PRKG1: variants seen among roughly 807,000 people sequenced by gnomAD.
PRKG1 encodes cGMP-dependent protein kinase 1.
Under a neutral mutation model 88.1 loss-of-function variants are expected in PRKG1, and 35 were observed. That is an observed-to-expected ratio of 0.40 (90% CI 0.30 to 0.53). PRKG1 has a LOEUF of 0.53. Among genes scored for constraint, PRKG1 ranks in the 20% least tolerant of loss-of-function variants. The probability of loss-of-function intolerance (pLI) is 0.59; values close to 1 mark genes in which losing one functional copy is unlikely to be tolerated. For missense variants in PRKG1, 540 were observed against 839.8 expected (o/e 0.64, Z 4.41); for synonymous variants, 303 against 292.5 (o/e 1.04, Z -0.37).
chr10:51,038,610 A>G (rs1007888407), intron 1 of PRKG1, among the ~76,000 whole-genome samples: 2 of 152,092 alleles, frequency 1.3e-5, no homozygotes, highest in African/African-American at 4.8e-5. Context: ...GGTATATTTC[A>G]CTTGACATAA....
At chr10:51,602,772 GTGTGTGTGTA>G (rs111324821) in intron 3 of PRKG1, among the ~76,000 whole-genome samples, 940 of 85,380 alleles carry the variant, frequency 0.011, 18 homozygotes, top group African/African-American at 0.03. Flanking sequence ...GTGTGTGTGT[GTGTGTGTGTA>G]TATATTCATA....
chr10:51,219,476 G>T (rs1422512732), intron 2 of PRKG1, among the ~76,000 whole-genome samples: 1 of 152,026 alleles, frequency 6.6e-6, no homozygotes, highest in Non-Finnish European at 1.5e-5. Context: ...TCGGGAGGCT[G>T]TGGCGGGTGG....
At chr10:51,800,677 T>G (rs1453680546) in intron 3 of PRKG1, among the ~76,000 whole-genome samples, 1 of 152,090 alleles carries the variant, frequency 6.6e-6, no homozygotes, top group African/African-American at 2.4e-5. Flanking sequence ...CATTTATTTC[T>G]CATAGTTCTG....
At chr10:51,137,804 AT>A (rs533226346) in intron 1 of PRKG1, among the ~76,000 whole-genome samples, 1 of 152,200 alleles carries the variant, frequency 6.6e-6, no homozygotes, top group Non-Finnish European at 1.5e-5. Flanking sequence ...TCTCAGAATC[AT>A]TTCATATTAG....
At chr10:51,623,688 G>A (rs1221634004) in intron 3 of PRKG1, among the ~76,000 whole-genome samples, 4 of 152,284 alleles carry the variant, frequency 2.6e-5, no homozygotes, top group East Asian at 3.9e-4. Flanking sequence ...GAGAAAAGTC[G>A]ATGGAGTAGA....
chr10:51,392,553 C>A (rs1837435579), intron 2 of PRKG1, among the ~76,000 whole-genome samples: 1 of 152,040 alleles, frequency 6.6e-6, no homozygotes, highest in Admixed American at 6.5e-5. Context: ...ACACGGCAAC[C>A]ATCCGATTTC....
At position 51,873,170 on chromosome 10, in the gene PRKG1, T is replaced by C. The variant is rs1336806529; in HGVS notation, c.699-34337T>C. On this transcript the variant is annotated intron_variant, in intron 4 of 17. Coordinates refer to ENST00000373980, the MANE Select transcript of PRKG1 (RefSeq NM_006258.4). ...GTCTTATTAAACATGATAAATATCA[T>C]TCAAACTTAACTTGATGATTTGTGA... Among the ~76,000 whole-genome samples the C allele has an allele frequency of 2.0e-5, 3 of 152,188 alleles. No individual in the cohort carries two copies. In the East Asian group the frequency reaches 5.8e-4, roughly 29 times the overall value.
At chr10:51,279,668 C>A (rs554732765) in intron 2 of PRKG1, among the ~76,000 whole-genome samples, 187 of 152,200 alleles carry the variant, frequency 1.2e-3, no homozygotes, top group Non-Finnish European at 2.1e-3. Context: ...TGTTGGTTTA[C>A]AGTCTGTTTT....
At chr10:51,851,249 G>A (rs903522518) in intron 4 of PRKG1, among the ~76,000 whole-genome samples, 6 of 152,152 alleles carry the variant, frequency 3.9e-5, no homozygotes, top group African/African-American at 1.2e-4. Flanking sequence ...AAGATAAATA[G>A]TAAAAATAGT....
intron 3 of PRKG1, among the ~76,000 whole-genome samples, chr10:51,604,469 A>T (rs754233636): frequency 6.6e-5 from 10 of 152,204 alleles, no homozygotes; most frequent in Non-Finnish European, 1.2e-4. Flanking sequence ...CCATTAGATC[A>T]TGAGCTCTTT....
intron 3 of PRKG1, among the ~76,000 whole-genome samples, chr10:51,667,206 T>C (rs918933752): frequency 4.6e-5 from 7 of 152,248 alleles, no homozygotes; most frequent in African/African-American, 1.4e-4. Context: ...TTGATACTTT[T>C]TATTTTTCAA....
chr10:52,285,336 G>A (rs918409348), intron 14 of PRKG1, among the ~76,000 whole-genome samples: 7 of 152,072 alleles, frequency 4.6e-5, no homozygotes, highest in African/African-American at 1.2e-4. Context: ...ATACATTATT[G>A]GAGGAGAATT....
chr10:51,092,692 G>A (rs943188306), intron 1 of PRKG1, among the ~76,000 whole-genome samples: 8 of 151,960 alleles, frequency 5.3e-5, no homozygotes, highest in Admixed American at 1.3e-4. Context: ...CTTATTGTGC[G>A]GGTACCAGAA....
At chr10:52,282,656 G>C (rs987593337) in intron 14 of PRKG1, among the ~76,000 whole-genome samples, 8 of 151,988 alleles carry the variant, frequency 5.3e-5, no homozygotes, top group African/African-American at 1.9e-4. Flanking sequence ...AAAATATCTA[G>C]GGTCAATTTT....
At chr10:51,379,271 C>T (rs970380445) in intron 2 of PRKG1, among the ~76,000 whole-genome samples, 1 of 152,106 alleles carries the variant, frequency 6.6e-6, no homozygotes, top group Non-Finnish European at 1.5e-5. Flanking sequence ...GAAAAGCTAA[C>T]ATTTATCACA....
chr10:52,180,669 T>A (rs1206645310), intron 9 of PRKG1, among the ~76,000 whole-genome samples: 1 of 152,210 alleles, frequency 6.6e-6, no homozygotes, highest in African/African-American at 2.4e-5. Flanking sequence ...TTCGCTAGTA[T>A]CTTAGTGGCC....
intron 7 of PRKG1, among the ~76,000 whole-genome samples, chr10:52,073,516 C>G (rs1276401198): frequency 1.3e-5 from 2 of 152,156 alleles, no homozygotes; most frequent in Non-Finnish European, 2.9e-5. Context: ...TCTGTTAGGT[C>G]CTCATCATCC....
At chr10:52,071,763 G>A (rs534544331) in intron 7 of PRKG1, among the ~76,000 whole-genome samples, 3 of 152,134 alleles carry the variant, frequency 2.0e-5, no homozygotes, top group South Asian at 2.1e-4. Flanking sequence ...TTGTGCTCAC[G>A]TTATTGAAGC....
intron 2 of PRKG1, among the ~76,000 whole-genome samples, chr10:51,331,638 A>G (rs1250579657): frequency 1.3e-5 from 2 of 152,044 alleles, no homozygotes; most frequent in African/African-American, 4.8e-5. Flanking sequence ...TTTTCTTATT[A>G]TTGTGCTGCA....
Sources: allele counts gnomAD v4.1 joint callset (sites outside exome capture counted in the v4.1 genomes callset), GRCh38; gene constraint gnomAD v4.1.1; transcripts MANE v1.5; gene names NCBI Gene and HGNC (gene_info 2026-07-23, HGNC 2026-07-21).